The following ZFP1 variants were observed in gnomAD, a reference collection of about 807,000 sequenced individuals.
ZFP1 encodes ZFP1 zinc finger protein, also known as zinc finger protein 1 homolog.
In ZFP1, 32 loss-of-function variants were observed where a neutral mutation model predicts 38.5. The observed-to-expected ratio is 0.83, with a 90% CI of 0.63 to 1.12. The LOEUF (loss-of-function observed/expected upper bound fraction) is 1.12. ZFP1 is among the 50% of genes most tolerant of loss of function. The pLI is 0.00. For synonymous variants in ZFP1, 245 were observed against 168.8 expected, an observed-to-expected ratio of 1.45 and a Z score of -3.50; for missense variants, 616 against 480.8, an observed-to-expected ratio of 1.28 and a Z score of -2.63.
chr16:75,169,394 ACTTTGTTT>A lies in ZFP1; in HGVS notation c.289_296del (p.Val97LysfsTer6). On this transcript the variant is annotated frameshift_variant, in exon 4 of 4. Transcript: ENST00000570010. LOFTEE classifies it high-confidence loss of function. ...GGAAAAGCACTTAATCTGAACACAGACTTTGTTTCTTTAAGACAAGTACCTTATAAATA... is the reference window on the plus strand; with the variant it reads ...GGAAAAGCACTTAATCTGAACACAGACTTTAAGACAAGTACCTTATAAATA... 2.5e-6 allele frequency: 4 copies of A among 1,614,160 alleles called. No homozygotes were observed. The highest frequency in any genetic ancestry group is 3.4e-6 in the Non-Finnish European group (4 of 1,180,004).
At chr16:75,138,509 G>C in the ZFP1 span, among the ~76,000 whole-genome samples, 3 of 152,310 alleles carry the variant, frequency 2.0e-5, no homozygotes, top group South Asian at 6.2e-4. Context: ...TTACTGGGTC[G>C]AATCACGTCC....
intron 2 of ZFP1, among the ~76,000 whole-genome samples, chr16:75,163,645 T>C (rs1316384638): frequency 1.3e-5 from 2 of 150,892 alleles, no homozygotes; most frequent in African/African-American, 2.4e-5. Context: ...AGGGTCTTGC[T>C]GTGTCTCCAG....
the ZFP1 span, among the ~76,000 whole-genome samples, chr16:75,122,936 T>C: frequency 6.6e-6 from 1 of 152,198 alleles, no homozygotes; most frequent in African/African-American, 2.4e-5. Flanking sequence ...ACAGTTTTTA[T>C]AAATAATCTA....
chr16:75,135,048 C>A, the ZFP1 span, among the ~76,000 whole-genome samples: 10 of 143,828 alleles, frequency 7.0e-5, no homozygotes, highest in Middle Eastern at 0.01. Flanking sequence ...CAGTGAAACT[C>A]CATCTCAAAA....
the ZFP1 span, among the ~76,000 whole-genome samples, chr16:75,127,337 C>G: frequency 6.6e-6 from 1 of 152,072 alleles, no homozygotes; most frequent in Non-Finnish European, 1.5e-5. Context: ...GCAACCTCTG[C>G]CTCCTGGGCT....
At chr16:75,129,558 T>C in the ZFP1 span, among the ~76,000 whole-genome samples, 2 of 152,206 alleles carry the variant, frequency 1.3e-5, no homozygotes, top group Non-Finnish European at 2.9e-5. Flanking sequence ...CTCAAAAGAA[T>C]GCAACCATTG....
chr16:75,161,710 A>G (rs957421951), intron 2 of ZFP1, among the ~76,000 whole-genome samples: 5 of 137,202 alleles, frequency 3.6e-5, no homozygotes, highest in African/African-American at 1.4e-4. Context: ...AGATTATAAG[A>G]TTTCTTTATT....
At chr16:75,130,701 G>A in the ZFP1 span, among the ~76,000 whole-genome samples, 1 of 152,104 alleles carries the variant, frequency 6.6e-6, no homozygotes, top group Non-Finnish European at 1.5e-5. Flanking sequence ...CCTGAGGGTG[G>A]CCTGACTTTC....
the ZFP1 span, among the ~76,000 whole-genome samples, chr16:75,123,257 G>A: frequency 6.6e-6 from 1 of 151,294 alleles, no homozygotes; most frequent in Admixed American, 6.6e-5. Context: ...AGGAGGCTGA[G>A]GCAGGAGAAT....
At chr16:75,124,563 C>T in the ZFP1 span, among the ~76,000 whole-genome samples, 1 of 149,456 alleles carries the variant, frequency 6.7e-6, no homozygotes, top group South Asian at 2.1e-4. Context: ...GCGGGTGGAT[C>T]ATGAGGTCAG....
chr16:75,143,647 C>CTTTTTTTTTTTTTT (rs386385080), upstream of ZFP1, among the ~76,000 whole-genome samples: 1 of 93,794 alleles, frequency 1.1e-5, no homozygotes, highest in East Asian at 3.7e-4. Context: ...GGAGGTGAAT[C>CTTTTTTTTTTTTTT]TTTTTTTTTT....
At chr16:75,124,224 A>G in the ZFP1 span, among the ~76,000 whole-genome samples, 1 of 150,102 alleles carries the variant, frequency 6.7e-6, no homozygotes, top group South Asian at 2.1e-4. Flanking sequence ...GTGCAGTGGT[A>G]CAAAGCTCAC....
At position 75,170,866 on chromosome 16, in the gene ZFP1, ATGGAACC is replaced by A. The variant is rs1423326108; in HGVS notation, c.*534_*540del. The stretch of plus-strand genomic sequence containing the variant: ...TGAAATGTGTAACATTTAAAGTAGC[ATGGAACC>A]TACGTCTTTCCCTACTGCTTGCTGG... On this transcript the variant is annotated 3_prime_UTR_variant, in exon 4 of 4. Coordinates refer to ENST00000570010, the MANE Select transcript of ZFP1 (RefSeq NM_153688.4). 1 of 131,548 alleles carries A rather than the reference ATGGAACC, an allele frequency of 7.6e-6. No individual in the cohort carries two copies. The highest frequency in any genetic ancestry group is 1.7e-5 in the Non-Finnish European group (1 of 58,656). The allele number at this position is 131,548 out of a possible 1,614,324, so 8.1% of individuals were successfully genotyped here. A position where few individuals can be genotyped will look rare whatever the true frequency, so the allele number is the denominator to read the frequency against.
At chr16:75,152,780 G>T in intron 1 of ZFP1, 129 bp from the exon 2 acceptor site, 1 of 750,474 alleles carries the variant, frequency 1.3e-6, no homozygotes, top group South Asian at 2.0e-5. Flanking sequence ...TTCTGAAGAG[G>T]CAAAGGGACT....
chr16:75,163,199 G>A (rs1462068175), intron 2 of ZFP1, among the ~76,000 whole-genome samples: 2 of 151,600 alleles, frequency 1.3e-5, no homozygotes, highest in East Asian at 2.0e-4. Context: ...GAGCCATTGC[G>A]CCCGGCCAAT....
Position 75,152,539 on chromosome 16 carries a change from A to G in ZFP1, c.-43-370A>G, listed in dbSNP as rs150166534. On this transcript the variant is annotated intron_variant, in intron 1 of 3. Coordinates refer to ENST00000570010, the MANE Select transcript of ZFP1 (RefSeq NM_153688.4). ...CATTTGATTTTTTCTTGCAGTTTCCATCTCTGCTGAAATTCCCTATTTGTT... is the reference window on the plus strand; with the variant it reads ...CATTTGATTTTTTCTTGCAGTTTCCGTCTCTGCTGAAATTCCCTATTTGTT... Among the ~76,000 whole-genome samples, 415 of 152,292 alleles carry G rather than the reference A, an allele frequency of 2.7e-3. 2 individuals carry two copies. The highest frequency in any genetic ancestry group is 9.2e-3 in the African/African-American group (382 of 41,566).
At chr16:75,152,041 C>A (rs1010224314) in intron 1 of ZFP1, among the ~76,000 whole-genome samples, 12 of 152,156 alleles carry the variant, frequency 7.9e-5, no homozygotes, top group African/African-American at 2.6e-4. Context: ...ACTTTGTTTT[C>A]TGGCTTAGTT....
chr16:75,157,449 G>A (rs1248198866), intron 2 of ZFP1, among the ~76,000 whole-genome samples: 1 of 151,836 alleles, frequency 6.6e-6, no homozygotes, highest in Non-Finnish European at 1.5e-5. Context: ...TCACCCTGTT[G>A]GCCAGGCTGG....
the ZFP1 span, among the ~76,000 whole-genome samples, chr16:75,121,548 C>T: frequency 6.6e-6 from 1 of 152,026 alleles, no homozygotes. Context: ...GAGTTGTTTC[C>T]TTTAATATGC....
Sources: gnomAD v4.1 joint callset for allele counts (sites outside exome capture counted in the v4.1 genomes callset) on GRCh38, gnomAD v4.1.1 for gene constraint, MANE v1.5 for transcripts, NCBI Gene and HGNC (gene_info 2026-07-23, HGNC 2026-07-21) for gene names.